Variants in PUDP observed in about 807,000 individuals in gnomAD.
The protein encoded by PUDP is pseudouridine-5'-phosphatase.
PUDP carries 8 observed loss-of-function variants against 9.4 expected under a neutral mutation model. The observed-to-expected ratio is 0.85, with a 90% CI of 0.50 to 1.53. PUDP has a LOEUF of 1.53. Among genes scored for constraint, PUDP ranks in the 40% most tolerant of loss-of-function variants. The pLI, the probability that PUDP is intolerant of heterozygous loss-of-function variation, is 0.00. For missense variants in PUDP, 188 were observed against 189.7 expected, an observed-to-expected ratio of 0.99 and a Z score of 0.05; for synonymous variants, 99 against 80.7, an observed-to-expected ratio of 1.23 and a Z score of -1.22.
intron 3 of PUDP, among the ~76,000 whole-genome samples, chrX:6,768,660 T>C (rs1925316618): frequency 8.9e-6 from 1 of 112,111 alleles, no homozygotes; most frequent in Non-Finnish European, 1.9e-5. Context: ...CTTTTAAAAA[T>C]TGTAAGATCC....
chrX:7,060,104 G>A (rs770718366), intron 3 of PUDP, among the ~76,000 whole-genome samples: 5 of 111,686 alleles, frequency 4.5e-5, no homozygotes, highest in African/African-American at 1.3e-4. Flanking sequence ...ACTGACACCC[G>A]TTGTGCATGG....
chrX:6,867,120 A>C (rs1927098874), intron 3 of PUDP, among the ~76,000 whole-genome samples: 1 of 111,255 alleles, frequency 9.0e-6, no homozygotes, highest in African/African-American at 3.3e-5. Context: ...GCTTCCACCA[A>C]GTTTTCCATT....
chrX:7,101,867 A>G lies in PUDP; in HGVS notation c.280+3753T>C, dbSNP rs1256403183. Among the ~76,000 whole-genome samples, 6 of 112,226 alleles carry G rather than the reference A, an allele frequency of 5.3e-5. No homozygotes were observed. In the Admixed American group the frequency reaches 5.7e-4, roughly 11 times the overall value. On this transcript the variant is annotated intron_variant, in intron 2 of 3. Coordinates refer to ENST00000381077, the MANE Select transcript of PUDP (RefSeq NM_012080.5). Reference sequence around the variant, plus strand: ...CAATGCCACAAAAATAAAGGAGAATACTATTTGTTGGCATATCCTTTGACA... The same window carrying G: ...CAATGCCACAAAAATAAAGGAGAATGCTATTTGTTGGCATATCCTTTGACA...
In PUDP at chrX:7,049,730, ACT is replaced by A. The variant is rs1930041376; in HGVS notation, c.*564_*565del. The A allele has an allele frequency of 8.9e-6, 1 of 112,457 alleles. No homozygotes were observed. The highest frequency in any genetic ancestry group is 3.2e-5 in the African/African-American group (1 of 30,931). 9.3% of individuals were successfully genotyped at this position (112,457 alleles called of 1,213,427 possible). ...GTTGTCATTGCATGTTGACATCAAC[ACT>A]GAGGAGAGTGATGCAGACGATAGAT... On this transcript the variant is annotated 3_prime_UTR_variant, in exon 4 of 4. Coordinates refer to ENST00000381077, the MANE Select transcript of PUDP (RefSeq NM_012080.5).
intron 1 of PUDP, among the ~76,000 whole-genome samples, chrX:6,980,659 T>C (rs1476829896): frequency 9.3e-6 from 1 of 107,978 alleles, no homozygotes; most frequent in Non-Finnish European, 1.9e-5. Context: ...CAACTATGGA[T>C]GAAAATTAAA....
At chrX:6,810,559 T>C (rs1926126362) in intron 3 of PUDP, among the ~76,000 whole-genome samples, 1 of 111,633 alleles carries the variant, frequency 9.0e-6, no homozygotes, top group Non-Finnish European at 1.9e-5. Flanking sequence ...ACCTCACTTT[T>C]TGCAATTCTC....
At chrX:7,091,773 T>C (rs1332142855) in intron 2 of PUDP, among the ~76,000 whole-genome samples, 1 of 112,391 alleles carries the variant, frequency 8.9e-6, no homozygotes, top group Non-Finnish European at 1.9e-5. Flanking sequence ...CTGCTTACAG[T>C]ACTAATTTCA....
chrX:7,024,607 G>A (rs1408839216), intron 1 of PUDP, among the ~76,000 whole-genome samples: 2 of 98,242 alleles, frequency 2.0e-5, no homozygotes, highest in Non-Finnish European at 4.0e-5. Flanking sequence ...TTTTTTTTGA[G>A]ACAGAGTCTT....
intron 3 of PUDP, among the ~76,000 whole-genome samples, chrX:6,736,277 A>T (rs1167513503): frequency 1.8e-5 from 2 of 111,875 alleles, no homozygotes; most frequent in Non-Finnish European, 3.8e-5. Context: ...ATGAACAATC[A>T]ATATGAAAAA....
intron 3 of PUDP, among the ~76,000 whole-genome samples, chrX:6,883,477 G>A (rs1210987112): frequency 2.0e-5 from 2 of 99,395 alleles, no homozygotes; most frequent in Non-Finnish European, 4.0e-5. Flanking sequence ...AGCCAATATC[G>A]AGCCACTGCA....
At chrX:6,924,570 T>C (rs192531412) in intron 3 of PUDP, among the ~76,000 whole-genome samples, 2 of 112,364 alleles carry the variant, frequency 1.8e-5, no homozygotes, top group East Asian at 5.6e-4. Flanking sequence ...AGACACCTTA[T>C]ATGCAGAGCC....
intron 1 of PUDP, among the ~76,000 whole-genome samples, chrX:7,042,301 A>G (rs1340146890): frequency 9.0e-6 from 1 of 110,901 alleles, no homozygotes; most frequent in African/African-American, 3.3e-5. Flanking sequence ...CTTCTCACCA[A>G]CGTCACGTAT....
intron 3 of PUDP, among the ~76,000 whole-genome samples, chrX:6,776,208 G>A (rs933399705): frequency 9.0e-6 from 1 of 110,924 alleles, no homozygotes; most frequent in African/African-American, 3.3e-5. Flanking sequence ...TGAACCCATA[G>A]CATCAACATT....
intron 3 of PUDP, among the ~76,000 whole-genome samples, chrX:6,937,548 T>A (rs1320250882): frequency 1.9e-5 from 2 of 103,878 alleles, no homozygotes; most frequent in Non-Finnish European, 3.9e-5. Context: ...AACCTAGGCA[T>A]TACCATCCAG....
intron 1 of PUDP, among the ~76,000 whole-genome samples, chrX:7,038,955 A>C (rs978232322): frequency 9.0e-6 from 1 of 111,040 alleles, no homozygotes; most frequent in African/African-American, 3.3e-5. Flanking sequence ...TGATTGATGG[A>C]GTATTGCTCT....
intron 3 of PUDP, among the ~76,000 whole-genome samples, chrX:6,763,328 G>T (rs75491441): frequency 4.8e-4 from 54 of 111,969 alleles, no homozygotes; most frequent in Non-Finnish European, 7.7e-4. Flanking sequence ...GGCGGAGGTT[G>T]CAGTGAGCAA....
chrX:7,057,862 G>T, intron 3 of PUDP: 1 of 988,271 alleles, frequency 1.0e-6, no homozygotes, highest in Non-Finnish European at 1.4e-6. Flanking sequence ...ACAGTAGGAG[G>T]CAGTGTCAGG....
chrX:7,040,911 C>T (rs1929913120), intron 1 of PUDP, among the ~76,000 whole-genome samples: 1 of 110,917 alleles, frequency 9.0e-6, no homozygotes, highest in Non-Finnish European at 1.9e-5. Flanking sequence ...TCAACCTCTC[C>T]AGCGTCCTAA....
intron 3 of PUDP, among the ~76,000 whole-genome samples, chrX:7,058,169 A>G (rs1464731045): frequency 3.6e-5 from 4 of 112,073 alleles, no homozygotes. Context: ...ACTTGGGATC[A>G]CATTTCGTAA....
Sources: allele counts gnomAD v4.1 joint callset (sites outside exome capture counted in the v4.1 genomes callset), GRCh38; gene constraint gnomAD v4.1.1; transcripts MANE v1.5; gene names NCBI Gene and HGNC (gene_info 2026-07-23, HGNC 2026-07-21).